The following F13A1 variants were observed in gnomAD, a reference collection of about 807,000 sequenced individuals.
F13A1 encodes the protein coagulation factor XIII A chain, also known as FSF, A subunit.
A neutral mutation model predicts 80.1 loss-of-function variants in F13A1; 47 were observed. The ratio of observed to expected loss-of-function variants is 0.59; its 90% CI spans 0.46 to 0.75. F13A1 has a LOEUF of 0.75. Ranked by LOEUF, F13A1 falls within the 30% of genes least tolerant of loss-of-function variation. F13A1 has a pLI of 0.00. For missense variants in F13A1, 817 were observed against 930.4 expected (o/e 0.88, Z 1.59); for synonymous variants, 349 against 344.9 (o/e 1.01, Z -0.13).
chr6:6,283,319 T>G (rs1457467105), intron 3 of F13A1, among the ~76,000 whole-genome samples: 1 of 152,250 alleles, frequency 6.6e-6, no homozygotes, highest in African/African-American at 2.4e-5. Context: ...ATATAACATG[T>G]GATCCTGGAC....
At chr6:6,207,594 A>G (rs1204547955) in intron 8 of F13A1, among the ~76,000 whole-genome samples, 1 of 152,242 alleles carries the variant, frequency 6.6e-6, no homozygotes, top group Non-Finnish European at 1.5e-5. Context: ...AGCCCCAGGA[A>G]GGTCCTCATC....
chr6:6,225,362 GT>G (rs1757261963), intron 6 of F13A1, among the ~76,000 whole-genome samples: 1 of 152,054 alleles, frequency 6.6e-6, no homozygotes, highest in African/African-American at 2.4e-5. Flanking sequence ...GTTAACAGAT[GT>G]TGTCATTTTG....
intron 2 of F13A1, among the ~76,000 whole-genome samples, chr6:6,316,254 A>G (rs1463690231): frequency 6.7e-6 from 1 of 149,652 alleles, no homozygotes; most frequent in Admixed American, 6.7e-5. Flanking sequence ...TATTAAATGA[A>G]TGCATATGTA....
chr6:6,170,048 T>C (rs995530141), intron 12 of F13A1, among the ~76,000 whole-genome samples: 1 of 152,198 alleles, frequency 6.6e-6, no homozygotes, highest in Non-Finnish European at 1.5e-5. Context: ...ATTAATTGTT[T>C]AGATGAGTGA....
chr6:6,237,108 G>T (rs536620665), intron 6 of F13A1, among the ~76,000 whole-genome samples: 75 of 152,200 alleles, frequency 4.9e-4, no homozygotes, highest in Admixed American at 1.2e-3. Flanking sequence ...TAGCTGCTCT[G>T]CTTTTTCTCT....
chr6:6,152,007 T>A, intron 13 of F13A1, 58 bp from the exon 14 acceptor site: 1 of 1,600,038 alleles, frequency 6.2e-7, no homozygotes, highest in South Asian at 1.1e-5. Context: ...GCTCTCTTGT[T>A]GTCTTAACCA....
intron 8 of F13A1, among the ~76,000 whole-genome samples, chr6:6,198,406 A>G (rs11756174): frequency 0.13 from 19,732 of 152,262 alleles, 1,423 homozygotes; most frequent in Middle Eastern, 0.21. Flanking sequence ...ATAAAGAAAG[A>G]TTTAATAATG....
chr6:6,176,641 G>A (rs1760886793), intron 11 of F13A1, among the ~76,000 whole-genome samples: 1 of 152,202 alleles, frequency 6.6e-6, no homozygotes, highest in Non-Finnish European at 1.5e-5. Flanking sequence ...CACTCGGAGG[G>A]AGGTAAGAAA....
rs538647457 is a variant in F13A1 at position 6,160,225 on chromosome 6, C to T, written c.1908+7233G>A. Among the ~76,000 whole-genome samples the T allele has an allele frequency of 2.7e-5, 4 of 148,036 alleles. No homozygotes were observed. The South Asian group carries it at 6.6e-4, about 24-fold the overall frequency. On this transcript the variant is annotated intron_variant, in intron 13 of 14. Coordinates refer to ENST00000264870, the MANE Select transcript of F13A1 (RefSeq NM_000129.4). ...CCAGGAGACGAAGGTTGCAGTGAGC[C>T]GAGATCACACCACTGCACTCTAGCC...
At chr6:6,200,283 G>T (rs1297585296) in intron 8 of F13A1, among the ~76,000 whole-genome samples, 1 of 152,108 alleles carries the variant, frequency 6.6e-6, no homozygotes, top group Non-Finnish European at 1.5e-5. Flanking sequence ...GAGTGACTTA[G>T]AGGCTGGCTA....
Position 6,266,559 on chromosome 6 carries a change from T to C in F13A1, c.570A>G (p.Glu190=), listed in dbSNP as rs746136297. ...GAAAACTAAATGTCTGCCTCTTACC[T>C]TCACACCAAGGATTGAAGAGAATGT... The part of the protein sequence containing the change: ...DTYILFNPWC[E]DDAVYLDNEK... Residue 190 remains glutamate, a splice_region_variant and synonymous_variant, in exon 4 of 15, where the codon GAA becomes GAG. Coordinates refer to ENST00000264870, the MANE Select transcript of F13A1 (RefSeq NM_000129.4). 1.9e-6 allele frequency: 3 copies of C among 1,614,128 alleles called. No individual in the cohort carries two copies. The highest frequency in any genetic ancestry group is 2.2e-5 in the South Asian group (2 of 91,090).
At position 6,318,687 on chromosome 6, in the gene F13A1, A is replaced by AC; in HGVS notation, c.-18-6_-18-5insG. The AC allele has an allele frequency of 2.6e-6, 4 of 1,515,686 alleles. No individual in the cohort carries two copies. The highest frequency in any genetic ancestry group is 3.5e-6 in the Non-Finnish European group (4 of 1,141,430). 93.9% of individuals were successfully genotyped at this position (1,515,686 alleles called of 1,614,324 possible). On this transcript the variant is annotated splice_region_variant and splice_polypyrimidine_tract_variant and intron_variant, in intron 1 of 14. Coordinates refer to ENST00000264870, the MANE Select transcript of F13A1 (RefSeq NM_000129.4). ...CATTTTTGACTTTACAAGGTCCTTC[A>AC]GAAAAAAAAAAAAAAGAAGACAACA...
intron 11 of F13A1, among the ~76,000 whole-genome samples, chr6:6,179,136 TAGAG>T (rs1760934778): frequency 1.3e-5 from 2 of 151,836 alleles, no homozygotes; most frequent in South Asian, 4.2e-4. Context: ...AAGGAGAAAA[TAGAG>T]AGGGAGAGGT....
chr6:6,275,407 T>C (rs1757975127), intron 3 of F13A1, among the ~76,000 whole-genome samples: 1 of 152,180 alleles, frequency 6.6e-6, no homozygotes, highest in South Asian at 2.1e-4. Context: ...TCTTGCTCTG[T>C]TGCCCAGGCT....
At chr6:6,180,022 C>T (rs915010692) in intron 11 of F13A1, among the ~76,000 whole-genome samples, 48 of 152,268 alleles carry the variant, frequency 3.2e-4, no homozygotes, top group Non-Finnish European at 4.9e-4. Context: ...CAGCTGTGCT[C>T]GGCTCCATGG....
At chr6:6,319,099 G>T (rs1561690786) in intron 1 of F13A1, among the ~76,000 whole-genome samples, 1 of 152,190 alleles carries the variant, frequency 6.6e-6, no homozygotes, top group African/African-American at 2.4e-5. Context: ...TCACTTTTAA[G>T]AATAAACGCA....
intron 6 of F13A1, among the ~76,000 whole-genome samples, chr6:6,234,400 C>A (rs1757389968): frequency 6.6e-6 from 1 of 151,936 alleles, no homozygotes; most frequent in Non-Finnish European, 1.5e-5. Context: ...CTATCATAAC[C>A]AAACTATTAA....
At chr6:6,236,543 C>T (rs1026722579) in intron 6 of F13A1, among the ~76,000 whole-genome samples, 6 of 152,054 alleles carry the variant, frequency 3.9e-5, no homozygotes, top group Middle Eastern at 3.4e-3. Flanking sequence ...TTTCCTGTAG[C>T]GCAGACCTTT....
At chr6:6,179,751 T>C (rs1475271559) in intron 11 of F13A1, among the ~76,000 whole-genome samples, 1 of 152,208 alleles carries the variant, frequency 6.6e-6, no homozygotes, top group African/African-American at 2.4e-5. Flanking sequence ...TATGTGGATT[T>C]AGGGATTCTT....
Sources: allele counts gnomAD v4.1 joint callset (sites outside exome capture counted in the v4.1 genomes callset), GRCh38; gene constraint gnomAD v4.1.1; transcripts MANE v1.5; gene names NCBI Gene and HGNC (gene_info 2026-07-23, HGNC 2026-07-21).